Variants in SORBS2 observed in about 807,000 individuals in gnomAD.
The protein encoded by SORBS2 is sorbin and SH3 domain containing 2, also known as sorbin and SH3 domain-containing protein 2.
Under a neutral mutation model 97.7 loss-of-function variants are expected in SORBS2, and 46 were observed. The ratio of observed to expected loss-of-function variants is 0.47; its 90% confidence interval spans 0.37 to 0.60. The LOEUF (loss-of-function observed/expected upper bound fraction) is 0.60, where lower values mean the gene tolerates loss of function less well. Among genes scored for constraint, SORBS2 ranks in the 20% least tolerant of loss-of-function variants. The pLI is 0.00. For synonymous variants in SORBS2, 476 were observed against 473.4 expected (o/e 1.01, Z -0.07); for missense variants, 1,316 against 1,282.3 (o/e 1.03, Z -0.40).
chr4:185,648,299 C>T (rs1181894186), intron 3 of SORBS2, among the ~76,000 whole-genome samples: 1 of 152,102 alleles, frequency 6.6e-6, no homozygotes, highest in East Asian at 1.9e-4. Context: ...GGGTGGATCA[C>T]GAGGTCAGGA....
intron 1 of SORBS2, among the ~76,000 whole-genome samples, chr4:185,934,683 T>A (rs970643903): frequency 6.7e-6 from 1 of 150,330 alleles, no homozygotes; most frequent in East Asian, 1.9e-4. Flanking sequence ...ACGTGGGAGG[T>A]TGAGGCAAGA....
chr4:185,673,376 C>A (rs2097747452), intron 4 of SORBS2, among the ~76,000 whole-genome samples: 1 of 152,036 alleles, frequency 6.6e-6, no homozygotes, highest in Non-Finnish European at 1.5e-5. Context: ...TTCATGCTAC[C>A]TTTTTTAAAA....
intron 1 of SORBS2, among the ~76,000 whole-genome samples, chr4:185,939,032 C>G (rs2099270524): frequency 6.6e-6 from 1 of 152,238 alleles, no homozygotes; most frequent in African/African-American, 2.4e-5. Context: ...CTCCTGTTCT[C>G]TCTCCTAAAG....
intron 6 of SORBS2, among the ~76,000 whole-genome samples, chr4:185,625,643 AC>A (rs138949152): frequency 0.073 from 11,145 of 152,244 alleles, 462 homozygotes; most frequent in Middle Eastern, 0.1. Context: ...CCTACTTGTT[AC>A]CTTAAGATAT....
intron 1 of SORBS2, among the ~76,000 whole-genome samples, chr4:185,923,328 G>A (rs2099261849): frequency 6.6e-6 from 1 of 151,900 alleles, no homozygotes; most frequent in African/African-American, 2.4e-5. Context: ...TTAGAGATGG[G>A]GTCTTGCTTT....
intron 1 of SORBS2, among the ~76,000 whole-genome samples, chr4:185,793,556 G>T (rs886083232): frequency 6.6e-6 from 1 of 152,104 alleles, no homozygotes; most frequent in African/African-American, 2.4e-5. Context: ...ATATTAAGAA[G>T]ATTTTTATTT....
At chr4:185,874,143 C>A (rs80250935) in intron 1 of SORBS2, among the ~76,000 whole-genome samples, 1 of 152,038 alleles carries the variant, frequency 6.6e-6, no homozygotes, top group African/African-American at 2.4e-5. Flanking sequence ...ATAAAATTAT[C>A]TGAACAAATA....
At chr4:185,652,696 C>A in exon 2 of SORBS2, 2 of 1,614,140 alleles carry the variant, frequency 1.2e-6, no homozygotes, top group Non-Finnish European at 1.7e-6. Flanking sequence ...GCTTAAACAT[C>A]GTCTTGTACC....
intron 2 of SORBS2, 69 bp downstream of exon 10, chr4:185,652,593 G>C: frequency 8.3e-7 from 1 of 1,207,560 alleles, no homozygotes; most frequent in South Asian, 1.2e-5. Context: ...GAATCAAACC[G>C]ATGCAAAAGA....
chr4:185,854,785 AAGAGAGAG>A (rs10560938), intron 1 of SORBS2, among the ~76,000 whole-genome samples: 66 of 149,800 alleles, frequency 4.4e-4, no homozygotes, highest in Non-Finnish European at 5.3e-4. Flanking sequence ...AGAAATAGAG[AAGAGAGAG>A]AGAGAGAGAG....
intron 12 of SORBS2, among the ~76,000 whole-genome samples, chr4:185,595,987 A>T (rs1287764540): frequency 1.3e-5 from 2 of 152,192 alleles, no homozygotes; most frequent in Admixed American, 6.5e-5. Context: ...CAGACTGCAT[A>T]TCATATACCA....
chr4:185,657,572 T>C, upstream of SORBS2: 1 of 1,589,370 alleles, frequency 6.3e-7, no homozygotes, highest in Non-Finnish European at 8.5e-7. Flanking sequence ...AGACTGCGCA[T>C]GCTGGGGATA....
intron 1 of SORBS2, among the ~76,000 whole-genome samples, chr4:185,785,990 A>G (rs1327169378): frequency 6.6e-6 from 1 of 152,196 alleles, no homozygotes; most frequent in Non-Finnish European, 1.5e-5. Context: ...TTTTGTTTAC[A>G]TTACACGGAA....
rs70962587 is a variant in SORBS2 at position 185,709,304 on chromosome 4, C to CTTTTTTTTTTTTTTTTT, written c.-197-30499_-197-30483dup. On this transcript the variant is annotated intron_variant, in intron 2 of 20. Transcript: ENST00000284776. ...GCATGAGCCGCTGTGCTGGCCAAAT[C>CTTTTTTTTTTTTTTTTT]TTTTTTTTTTTTTTTTTTTTAGTAA... Among the ~76,000 whole-genome samples the CTTTTTTTTTTTTTTTTT allele has an allele frequency of 6.1e-4, 59 of 96,758 alleles. 2 individuals are homozygous for CTTTTTTTTTTTTTTTTT. The highest frequency in any genetic ancestry group is 7.3e-4 in the Non-Finnish European group (36 of 49,218). 63.5% of individuals were successfully genotyped at this position (96,758 alleles called of 152,430 possible).
chr4:185,692,652 T>C (rs1027454409), intron 2 of SORBS2, among the ~76,000 whole-genome samples: 1 of 152,212 alleles, frequency 6.6e-6, no homozygotes, highest in Non-Finnish European at 1.5e-5. Flanking sequence ...AATATAATGG[T>C]ACTTCTCTCC....
intron 1 of SORBS2, among the ~76,000 whole-genome samples, chr4:185,839,819 G>C (rs183196151): frequency 3.3e-5 from 5 of 152,212 alleles, no homozygotes; most frequent in African/African-American, 1.2e-4. Flanking sequence ...TTGTAGCAGC[G>C]TTAGATGTTT....
chr4:185,800,905 T>G (rs1585050431), intron 1 of SORBS2, among the ~76,000 whole-genome samples: 1 of 152,156 alleles, frequency 6.6e-6, no homozygotes. Context: ...TTGTGGATGG[T>G]AAGAACATTT....
chr4:185,792,473 G>A (rs908947883), intron 1 of SORBS2, among the ~76,000 whole-genome samples: 1 of 151,760 alleles, frequency 6.6e-6, no homozygotes, highest in Non-Finnish European at 1.5e-5. Context: ...CGACCTGGGC[G>A]ACAGGGTGCG....
chr4:185,678,423 C>G (rs2097826532), exon 4 of SORBS2: 1 of 1,549,254 alleles, frequency 6.5e-7, no homozygotes, highest in Admixed American at 2.0e-5. Flanking sequence ...GCAGGGTTAC[C>G]TGAGTTGGTG....
Sources: allele counts gnomAD v4.1 joint callset (sites outside exome capture counted in the v4.1 genomes callset), GRCh38; gene constraint gnomAD v4.1.1; transcripts MANE v1.5; gene names NCBI Gene and HGNC (gene_info 2026-07-23, HGNC 2026-07-21).